CRTAC1: variants seen among roughly 807,000 people sequenced by gnomAD.
CRTAC1 encodes the protein acidic secreted protein in cartilage.
Under a neutral mutation model 67.8 loss-of-function variants are expected in CRTAC1, and 37 were observed. The observed-to-expected ratio is 0.55, with a 90% CI of 0.42 to 0.72. The LOEUF is 0.72. Among genes scored for constraint, CRTAC1 ranks in the 30% least tolerant of loss-of-function variants. The probability of loss-of-function intolerance (pLI) is 0.00; values close to 1 mark genes in which losing one functional copy is unlikely to be tolerated. For synonymous variants in CRTAC1, 348 were observed against 371.0 expected (o/e 0.94, Z 0.71); for missense variants, 780 against 931.6 (o/e 0.84, Z 2.12).
chr10:97,896,007 C>G (rs750578235), intron 9 of CRTAC1, 22 bp from the exon 10 acceptor site: 1 of 1,605,236 alleles, frequency 6.2e-7, no homozygotes. Flanking sequence ...GCAGATTTCA[C>G]CTCTGGCCGT....
At position 97,895,462 on chromosome 10, in the gene CRTAC1, G is replaced by A. The variant is rs771976618; in HGVS notation, c.1318-49C>T. The A allele has an allele frequency of 1.3e-5, 20 of 1,529,598 alleles. No homozygotes were observed. Among genetic ancestry groups the A allele is most frequent in the Admixed American group, 1.9e-5 (1 of 51,594 alleles). 94.8% of individuals were successfully genotyped at this position (1,529,598 alleles called of 1,614,324 possible). ...CACCCGGTGGGCATCAGCATGGTGG[G>A]TGGGAAGAGCAGGGAGCCAGGGAGG... On this transcript the variant is annotated intron_variant, in intron 10 of 14. Transcript: ENST00000370597. The surrounding 1 kb of genome is among the most constrained non-coding windows in gnomAD (Gnocchi z 4.2).
intron 2 of CRTAC1, among the ~76,000 whole-genome samples, chr10:97,974,474 A>C (rs916706728): frequency 5.9e-5 from 9 of 152,208 alleles, no homozygotes; most frequent in Non-Finnish European, 1.2e-4. Context: ...AGAGCGTCTG[A>C]ATAGAATTGT....
intron 2 of CRTAC1, among the ~76,000 whole-genome samples, chr10:97,960,546 T>C (rs567878751): frequency 3.3e-5 from 5 of 152,360 alleles, no homozygotes; most frequent in African/African-American, 1.2e-4. Flanking sequence ...AAATGTTGAA[T>C]CATTATTCTC....
intron 1 of CRTAC1, among the ~76,000 whole-genome samples, chr10:98,027,114 C>G (rs1843249293): frequency 6.6e-6 from 1 of 151,348 alleles, no homozygotes; most frequent in African/African-American, 2.4e-5. Flanking sequence ...TTGCAGTGAG[C>G]CGAGATTGCG....
At chr10:98,016,072 T>G (rs188227267) in intron 1 of CRTAC1, among the ~76,000 whole-genome samples, 82 of 152,294 alleles carry the variant, frequency 5.4e-4, no homozygotes, top group African/African-American at 2.0e-3. Context: ...AAGATCAAAG[T>G]ACCACAATTG....
At chr10:97,887,003 C>T (rs1370673469) in intron 11 of CRTAC1, among the ~76,000 whole-genome samples, 1 of 151,332 alleles carries the variant, frequency 6.6e-6, no homozygotes, top group East Asian at 2.0e-4. Flanking sequence ...AGAGATTTGG[C>T]ATTTTCAGGG....
intron 3 of CRTAC1, among the ~76,000 whole-genome samples, chr10:97,933,400 C>T (rs1429901668): frequency 6.6e-6 from 1 of 152,260 alleles, no homozygotes; most frequent in Non-Finnish European, 1.5e-5. Flanking sequence ...TTCACCGTGT[C>T]TGCCTTTCTT....
intron 1 of CRTAC1, among the ~76,000 whole-genome samples, chr10:98,020,265 G>A (rs1843089443): frequency 6.6e-6 from 1 of 152,108 alleles, no homozygotes; most frequent in African/African-American, 2.4e-5. Flanking sequence ...TTGATATTTT[G>A]CATAGCAAGT....
chr10:97,887,735 C>A (rs570278387), intron 11 of CRTAC1, among the ~76,000 whole-genome samples: 43 of 152,340 alleles, frequency 2.8e-4, no homozygotes, highest in African/African-American at 1.0e-3. Flanking sequence ...GGGTGCTGGC[C>A]AACAGCCTTA....
At chr10:97,899,493 C>T (rs973853984) in intron 8 of CRTAC1, among the ~76,000 whole-genome samples, 1 of 152,190 alleles carries the variant, frequency 6.6e-6, no homozygotes, top group African/African-American at 2.4e-5. Flanking sequence ...GCACTAGATT[C>T]CTCAGTGCTC....
chr10:97,886,112 C>T (rs2050280150), intron 11 of CRTAC1, among the ~76,000 whole-genome samples: 1 of 152,090 alleles, frequency 6.6e-6, no homozygotes, highest in African/African-American at 2.4e-5. Context: ...GTGTAGACTT[C>T]CTGTAGAGAC....
chr10:98,017,109 C>G (rs1843013950), intron 1 of CRTAC1, among the ~76,000 whole-genome samples: 1 of 152,284 alleles, frequency 6.6e-6, no homozygotes. Context: ...GCTTGTGTAT[C>G]AAGCACCTAC....
chr10:98,023,814 G>C (rs1438758061), intron 1 of CRTAC1, among the ~76,000 whole-genome samples: 1 of 152,200 alleles, frequency 6.6e-6, no homozygotes, highest in Non-Finnish European at 1.5e-5. Context: ...GGAAGGGAGG[G>C]ATGTCACCTC....
Position 98,030,089 on chromosome 10 carries a change from C to T in CRTAC1, c.24+360G>A, listed in dbSNP as rs1192957019. On this transcript the variant is annotated intron_variant, in intron 1 of 14. Transcript: ENST00000370597. The surrounding 1 kb of genome is among the most constrained non-coding windows in gnomAD (Gnocchi z 4.2). ...CTCCCGATAGCCCGGCACATCCCTC[C>T]TCACCCGCTCCGCCCCCTCCAGGCC... Among the ~76,000 whole-genome samples the T allele has an allele frequency of 2.0e-5, 3 of 152,156 alleles. No individual in the cohort carries two copies. Among genetic ancestry groups the T allele is most frequent in the African/African-American group, 7.2e-5 (3 of 41,462 alleles).
chr10:97,902,082 T>C (rs2050549424), intron 7 of CRTAC1, among the ~76,000 whole-genome samples: 1 of 152,236 alleles, frequency 6.6e-6, no homozygotes, highest in African/African-American at 2.4e-5. Context: ...TCCTCCTCTG[T>C]GCTGAGTCAG....
chr10:97,934,008 T>C (rs2051043149), intron 3 of CRTAC1, among the ~76,000 whole-genome samples: 1 of 152,184 alleles, frequency 6.6e-6, no homozygotes, highest in Non-Finnish European at 1.5e-5. Context: ...TGCAACACTC[T>C]AAGAGCGTGG....
intron 8 of CRTAC1, among the ~76,000 whole-genome samples, chr10:97,897,662 T>C (rs1414752758): frequency 1.3e-5 from 2 of 152,178 alleles, no homozygotes; most frequent in Non-Finnish European, 2.9e-5. Flanking sequence ...GCGGTTCTGT[T>C]TGGAACTCTG....
chr10:97,895,122 C>T lies in CRTAC1; in HGVS notation c.1486+123G>A. 1 of 939,670 alleles carries T rather than the reference C, an allele frequency of 1.1e-6. No homozygotes were observed. The highest frequency in any genetic ancestry group is 1.6e-6 in the Non-Finnish European group (1 of 635,428). The allele number at this position is 939,670 out of a possible 1,614,324, so 58.2% of individuals were successfully genotyped here. A position where few individuals can be genotyped will look rare whatever the true frequency, so the allele number is the denominator to read the frequency against. On this transcript the variant is annotated intron_variant, in intron 11 of 14. Transcript: ENST00000370597. The surrounding 1 kb of genome is among the most constrained non-coding windows in gnomAD (Gnocchi z 4.2). ...TCAGAGTAGGGTTTGTCCCCAGTAG[C>T]TGGTGTCCACCATGGCTGTCACAGT...
intron 6 of CRTAC1, 60 bp from the exon 7 acceptor site, chr10:97,904,874 A>G (rs1590197327): frequency 4.7e-6 from 7 of 1,492,122 alleles, no homozygotes; most frequent in Middle Eastern, 3.6e-4. Flanking sequence ...ACAAACACTC[A>G]CCCTGCTCTA....
Sources: allele counts gnomAD v4.1 joint callset (sites outside exome capture counted in the v4.1 genomes callset), GRCh38; gene constraint gnomAD v4.1.1; non-coding constraint Gnocchi (gnomAD v3.1); transcripts MANE v1.5; gene names NCBI Gene and HGNC (gene_info 2026-07-23, HGNC 2026-07-21).